Variants in MYH1 observed in about 807,000 individuals in gnomAD.
MYH1 encodes myosin heavy chain 1.
A neutral mutation model predicts 225.6 loss-of-function variants in MYH1; 214 were observed. That is an observed-to-expected ratio of 0.95 (90% confidence interval 0.85 to 1.06). The LOEUF (loss-of-function observed/expected upper bound fraction) is 1.06, where lower values mean the gene tolerates loss of function less well. MYH1 is among the 50% of genes least tolerant of loss of function. MYH1 has a pLI of 0.00. For missense variants in MYH1, 2,098 were observed against 2,344.2 expected (o/e 0.89, Z 2.17); for synonymous variants, 774 against 842.3 (o/e 0.92, Z 1.40).
At chr17:10,493,812 T>C (rs1196654159) in intron 39 of MYH1, among the ~76,000 whole-genome samples, 1 of 152,182 alleles carries the variant, frequency 6.6e-6, no homozygotes, top group Admixed American at 6.5e-5. Context: ...AGTTTCTACC[T>C]CCAAAATATG....
intron 2 of MYH1, 142 bp from the exon 3 acceptor site, chr17:10,516,824 A>T: frequency 2.9e-6 from 2 of 683,900 alleles, no homozygotes; most frequent in South Asian, 3.9e-5. Flanking sequence ...TTGGTTGAGG[A>T]TAAAATGTCA....
At chr17:10,495,760 C>CAAAAAAAAAAAAAAAAAAAAAA (rs3050883) in intron 35 of MYH1, among the ~76,000 whole-genome samples, 190 bp downstream of exon 35, 861 of 42,068 alleles carry the variant, frequency 0.02, 261 homozygotes, top group Non-Finnish European at 0.028. Context: ...GACTCCGTCT[C>CAAAAAAAAAAAAAAAAAAAAAA]AAAAAAAAAA....
At chr17:10,498,329 A>AG (rs2073017402) in intron 30 of MYH1, among the ~76,000 whole-genome samples, 1 of 152,246 alleles carries the variant, frequency 6.6e-6, no homozygotes, top group South Asian at 2.1e-4. Context: ...CAACATATTA[A>AG]GGGCTCAAAT....
chr17:10,498,842 T>C lies in MYH1; in HGVS notation c.3985-20A>G, dbSNP rs771866553. 6 of 1,613,260 alleles carry C rather than the reference T, an allele frequency of 3.7e-6. No homozygotes were observed. Among genetic ancestry groups the C allele is most frequent in the Non-Finnish European group, 5.1e-6 (6 of 1,179,658 alleles). ...CTTGGCCTGAGAACATAGAGATTGA[T>C]GACTTAATTTTATATATTTAAAGTG... On this transcript the variant is annotated intron_variant, in intron 29 of 39. Coordinates refer to ENST00000226207, the MANE Select transcript of MYH1 (RefSeq NM_005963.4).
intron 11 of MYH1, 53 bp downstream of exon 11, chr17:10,512,628 A>G: frequency 6.2e-7 from 1 of 1,611,388 alleles, no homozygotes; most frequent in East Asian, 2.2e-5. Context: ...GATGGCTGTT[A>G]TTGCCATTCC....
rs1597434006 is a variant in MYH1, at chr17:10,495,465, A to G, written c.5170-148T>C. 5 of 1,240,172 alleles carry G rather than the reference A, an allele frequency of 4.0e-6. No individual in the cohort carries two copies. In the East Asian group the frequency reaches 1.3e-4, roughly 32 times the overall value. The allele number at this position is 1,240,172 out of a possible 1,614,324, so 76.8% of individuals were successfully genotyped here. A position where few individuals can be genotyped will look rare whatever the true frequency, so the allele number is the denominator to read the frequency against. On this transcript the variant is annotated intron_variant, in intron 35 of 39. Transcript: ENST00000226207. The stretch of plus-strand genomic sequence containing the variant: ...AAATTATCTGAGTTGACATATGTTT[A>G]AAAGACAATCAACTGGCCGGGCGCG...
chr17:10,508,698 C>G, intron 15 of MYH1, 26 bp from the exon 16 acceptor site: 1 of 1,608,694 alleles, frequency 6.2e-7, no homozygotes, highest in South Asian at 1.1e-5. Context: ...GAAATAAATG[C>G]CACTTGAATT....
At chr17:10,512,314 A>G (rs2073178430) in intron 12 of MYH1, 94 bp downstream of exon 12, 1 of 1,601,876 alleles carries the variant, frequency 6.2e-7, no homozygotes, top group Non-Finnish European at 8.6e-7. Flanking sequence ...GAGTATGTCC[A>G]TCAGGAGCTC....
rs749568678 is a variant in MYH1 at position 10,513,735 on chromosome 17, T to G, written c.742-46A>C. 2.5e-6 allele frequency: 4 copies of G among 1,612,384 alleles called. No individual in the cohort carries two copies. The East Asian group carries it at 8.9e-5, about 36-fold the overall frequency. On this transcript the variant is annotated intron_variant, in intron 8 of 39. Coordinates refer to ENST00000226207, the MANE Select transcript of MYH1 (RefSeq NM_005963.4). ...TGTTATACCCAAAGCTTGAAGTACG[T>G]AGTGGGGATGCCACTGAAATAATTC...
chr17:10,495,812 G>T, intron 35 of MYH1, 138 bp downstream of exon 35: 28 of 724,804 alleles, frequency 3.9e-5, no homozygotes, highest in Non-Finnish European at 4.7e-5. Flanking sequence ...TAAGAATATA[G>T]ATAATCAAAA....
At position 10,511,479 on chromosome 17, in the gene MYH1, G is replaced by T. The variant is rs12601461; in HGVS notation, c.1416+360C>A. Among the ~76,000 whole-genome samples, 7 of 151,840 alleles carry T rather than the reference G, an allele frequency of 4.6e-5. No homozygotes were observed. In the South Asian group the frequency reaches 1.5e-3, roughly 31 times the overall value. ...CCTGCATGCTTGGGGACTGTGTTAA[G>T]GGCTGAAAATTCAGAAATCTTGAAA... On this transcript the variant is annotated intron_variant, in intron 14 of 39. Coordinates refer to ENST00000226207, the MANE Select transcript of MYH1 (RefSeq NM_005963.4).
rs1357145617 is a variant in MYH1, at chr17:10,501,984, A to G, written c.3112-73T>C. Reference sequence around the variant, plus strand: ...TTTGTCCCAGATGAAATTTTTAAACATTATATCTATGCAGCAAACTATTTT... The same window carrying G: ...TTTGTCCCAGATGAAATTTTTAAACGTTATATCTATGCAGCAAACTATTTT... On this transcript the variant is annotated intron_variant, in intron 24 of 39. Coordinates refer to ENST00000226207, the MANE Select transcript of MYH1 (RefSeq NM_005963.4). 47 of 1,404,400 alleles carry G rather than the reference A, an allele frequency of 3.3e-5. No individual in the cohort carries two copies. In the East Asian group the frequency reaches 1.1e-3, roughly 32 times the overall value. The allele number at this position is 1,404,400 out of a possible 1,614,324, so 87.0% of individuals were successfully genotyped here. A position where few individuals can be genotyped will look rare whatever the true frequency, so the allele number is the denominator to read the frequency against.
In MYH1 at chr17:10,497,767, G is replaced by T; in HGVS notation, c.4332C>A (p.Ala1444=). 1 of 1,613,852 alleles carries T rather than the reference G, an allele frequency of 6.2e-7. No individual in the cohort carries two copies. Among genetic ancestry groups the T allele is most frequent in the Non-Finnish European group, 8.5e-7 (1 of 1,179,960 alleles). Residue 1444 remains alanine (A), a synonymous_variant, in exon 31 of 40, where the codon GCC becomes GCA. Transcript: ENST00000226207. ...AGTTCCTTTGCTTTTTGTCCAGGGC[G>T]GCACAGGCAGCATTTGTCCTCTCAA... The part of the protein sequence containing the change: ...IDVERTNAAC[A]ALDKKQRNFD...
intron 28 of MYH1, among the ~76,000 whole-genome samples, chr17:10,500,311 A>C (rs2073037943): frequency 6.6e-6 from 1 of 151,744 alleles, no homozygotes; most frequent in South Asian, 2.1e-4. Flanking sequence ...AGTCTCCCTT[A>C]AAGTCTTCAA....
At chr17:10,506,793 ACACT>A in intron 17 of MYH1, among the ~76,000 whole-genome samples, 1 of 152,060 alleles carries the variant, frequency 6.6e-6, no homozygotes, top group Admixed American at 6.6e-5. Context: ...GTGCCCAGTC[ACACT>A]CACTTCTTTC....
In MYH1 at chr17:10,492,420, T is replaced by G; in HGVS notation, c.5816A>C (p.Glu1939Ala). ...ACCTTTCAGCAGTTAGATAAATTAC[T>G]CTTCACTTATGATTTTTGTGTGAAC... ...REVHTKIISE[E>A] The change falls in exon 40 of 40, where the codon GAG becomes GCG. Residue 1939 changes from glutamate to alanine, a missense_variant. By Grantham distance (107) the Glu-to-Ala change is moderately radical. Transcript: ENST00000226207. The G allele has an allele frequency of 6.2e-7, 1 of 1,613,794 alleles. No individual in the cohort carries two copies. Among genetic ancestry groups the G allele is most frequent in the Non-Finnish European group, 8.5e-7 (1 of 1,179,918 alleles).
Position 10,492,449 on chromosome 17 carries a change from C to T in MYH1, c.5787G>A (p.Arg1929=), listed in dbSNP as rs972428256. 1.2e-6 allele frequency: 2 copies of T among 1,614,086 alleles called. No homozygotes were observed. ...SQVNKLRVKS[R]EVHTKIISEE The stretch of plus-strand genomic sequence containing the variant: ...CACTTATGATTTTTGTGTGAACCTC[C>T]CTGCTCTTCACCCTCAGCTTGTTGA... The change falls in exon 40 of 40, where the codon AGG becomes AGA. Residue 1929 remains arginine, a synonymous_variant. Transcript: ENST00000226207.
chr17:10,509,521 C>T lies in MYH1; in HGVS notation c.1551G>A (p.Gly517=). The change falls in exon 15 of 40, where the codon GGG becomes GGA. Residue 517 remains glycine, a synonymous_variant. Transcript: ENST00000226207. The stretch of plus-strand genomic sequence containing the variant: ...GCTCGATGCAGGCAGCCAGGTCCAT[C>T]CCAAAGTCAATGAACGTCCACTCAA... The part of the protein sequence containing the change: ...EGIEWTFIDF[G]MDLAACIELI... 6.2e-7 allele frequency: 1 copy of T among 1,614,146 alleles called. No homozygotes were observed. Among genetic ancestry groups the T allele is most frequent in the Non-Finnish European group, 8.5e-7 (1 of 1,180,018 alleles).
Position 10,512,564 on chromosome 17 carries a change from A to T in MYH1, c.1009-18T>A. On this transcript the variant is annotated intron_variant, in intron 11 of 39. Coordinates refer to ENST00000226207, the MANE Select transcript of MYH1 (RefSeq NM_005963.4). ...ATGGCACTCTACCATGAGAGATGAG[A>T]AGACAAAGATTAGGGCACAAGAGAA... 6.2e-7 allele frequency: 1 copy of T among 1,614,100 alleles called. No homozygotes were observed. Among genetic ancestry groups the T allele is most frequent in the Non-Finnish European group, 8.5e-7 (1 of 1,179,978 alleles).
Sources: gnomAD v4.1 joint callset for allele counts (sites outside exome capture counted in the v4.1 genomes callset) on GRCh38, gnomAD v4.1.1 for gene constraint, MANE v1.5 for transcripts, NCBI Gene and HGNC (gene_info 2026-07-23, HGNC 2026-07-21) for gene names.